Variants in SPANXN2 observed in about 807,000 individuals in gnomAD.
The protein encoded by SPANXN2 is sperm protein associated with the nucleus on the X chromosome N2.
SPANXN2 carries 1 observed loss-of-function variant against 2.0 expected under a neutral mutation model. The ratio of observed to expected loss-of-function variants is 0.50; its 90% CI spans 0.18 to 2.36. The LOEUF (loss-of-function observed/expected upper bound fraction) is 2.36, where lower values mean the gene tolerates loss of function less well. SPANXN2 is among the 30% of genes most tolerant of loss of function. The pLI is 0.26. For missense variants in SPANXN2, 88 were observed against 116.7 expected (o/e 0.75, Z 1.13); for synonymous variants, 43 against 49.8 (o/e 0.86, Z 0.58).
intron 1 of SPANXN2, among the ~76,000 whole-genome samples, chrX:143,716,042 G>A (rs1472953517): frequency 6.3e-5 from 7 of 111,146 alleles, no homozygotes; most frequent in Non-Finnish European, 1.9e-5. Flanking sequence ...TACTCTTAGA[G>A]GGGTTCCGGG....
At chrX:143,720,320 C>A (rs782716131) in intron 1 of SPANXN2, among the ~76,000 whole-genome samples, 39 of 106,301 alleles carry the variant, frequency 3.7e-4, no homozygotes, top group Non-Finnish European at 4.8e-4. Flanking sequence ...CCAAGAAACA[C>A]CACAATGACA....
chrX:143,717,483 TTTCCCAGCATACAC>T (rs1190358256), intron 1 of SPANXN2, among the ~76,000 whole-genome samples: 5 of 111,450 alleles, frequency 4.5e-5, no homozygotes, highest in African/African-American at 1.6e-4. Flanking sequence ...GCTCATTTTT[TTTCCCAGCATACAC>T]CCTGTATATA....
intron 1 of SPANXN2, among the ~76,000 whole-genome samples, chrX:143,714,686 A>G (rs1402037318): frequency 1.8e-5 from 2 of 111,932 alleles, no homozygotes; most frequent in African/African-American, 6.5e-5. Context: ...TAATACCAAT[A>G]AGGGCAAAAA....
rs782423650 is a variant in SPANXN2 at position 143,719,720 on chromosome X, T to TAGC, written c.78+868_78+870dup. Among the ~76,000 whole-genome samples the TAGC allele has an allele frequency of 2.2e-4, 24 of 111,137 alleles. No homozygotes were observed. The East Asian group carries it at 6.6e-3, about 31-fold the overall frequency. The stretch of plus-strand genomic sequence containing the variant: ...AAGCAGACCATCCAGGTTCCTTTAG[T>TAGC]AGCTTCTGTCTCATCTTCCTCCACA... On this transcript the variant is annotated intron_variant, in intron 1 of 1. Coordinates refer to ENST00000598475, the Ensembl canonical transcript of SPANXN2.
chrX:143,717,902 A>G (rs1381336561), intron 1 of SPANXN2, among the ~76,000 whole-genome samples: 2 of 111,403 alleles, frequency 1.8e-5, no homozygotes, highest in African/African-American at 6.5e-5. Context: ...GGATGAATAA[A>G]AGCTTTTCCT....
rs1556448287 is a variant in SPANXN2 at position 143,712,055 on chromosome X, G to A, written c.523C>T (p.Gln175Ter). Residue 175 changes from glutamine to a stop codon, truncating the protein, a stop_gained, in exon 2 of 2, where the codon CAG becomes TAG. Coordinates refer to ENST00000598475, the Ensembl canonical transcript of SPANXN2. LOFTEE classifies it high-confidence loss of function. ...TTTGACTAGTCCTCCCCACCCTCCT[G>A]TGAAGATCCTTCAGATGAGTCTAGG... 2 of 1,212,394 alleles carry A rather than the reference G, an allele frequency of 1.6e-6. No homozygotes were observed. Among genetic ancestry groups the A allele is most frequent in the Non-Finnish European group, 1.1e-6 (1 of 895,646 alleles).
chrX:143,716,441 T>A (rs1430992674), intron 1 of SPANXN2, among the ~76,000 whole-genome samples: 1 of 111,257 alleles, frequency 9.0e-6, no homozygotes, highest in Non-Finnish European at 1.9e-5. Flanking sequence ...CAAGCCACTA[T>A]ACGTAGCCTC....
intron 1 of SPANXN2, among the ~76,000 whole-genome samples, chrX:143,713,672 G>A (rs1423800144): frequency 9.0e-6 from 1 of 110,900 alleles, no homozygotes; most frequent in Non-Finnish European, 1.9e-5. Context: ...CTTCCCTATG[G>A]GGTATTCACT....
exon 2 of SPANXN2, chrX:143,712,185 A>G: frequency 2.1e-6 from 1 of 468,474 alleles, no homozygotes; most frequent in East Asian, 3.7e-5. Context: ...AAGATCCTTC[A>G]GATGAGTCCA....
chrX:143,713,856 A>G (rs1932209443), intron 1 of SPANXN2, among the ~76,000 whole-genome samples: 1 of 107,771 alleles, frequency 9.3e-6, no homozygotes, highest in Non-Finnish European at 1.9e-5. Flanking sequence ...AATGGTAAAT[A>G]ATCTGAAGTG....
At chrX:143,717,409 C>T (rs782616722) in intron 1 of SPANXN2, among the ~76,000 whole-genome samples, 1 of 111,574 alleles carries the variant, frequency 9.0e-6, no homozygotes, top group Non-Finnish European at 1.9e-5. Flanking sequence ...GATGCCAAAA[C>T]CGAGAAAAAC....
At chrX:143,712,447 G>T (rs1238863804) in exon 2 of SPANXN2, 23 of 1,210,627 alleles carry the variant, frequency 1.9e-5, no homozygotes, top group Non-Finnish European at 2.6e-5. Context: ...TATTGTTTTT[G>T]TCTTTTGCAA....
intron 1 of SPANXN2, among the ~76,000 whole-genome samples, chrX:143,719,210 C>A (rs1205990664): frequency 9.0e-6 from 1 of 110,972 alleles, no homozygotes; most frequent in Non-Finnish European, 1.9e-5. Flanking sequence ...AACATGTTAC[C>A]AGTCGGATTC....
chrX:143,719,720 T>C (rs1464915069), intron 1 of SPANXN2, among the ~76,000 whole-genome samples: 1 of 111,083 alleles, frequency 9.0e-6, no homozygotes, highest in African/African-American at 3.3e-5. Flanking sequence ...GTTCCTTTAG[T>C]AGCTTCTGTC....
intron 1 of SPANXN2, among the ~76,000 whole-genome samples, chrX:143,715,133 C>T (rs782658684): frequency 4.5e-5 from 5 of 111,440 alleles, no homozygotes; most frequent in East Asian, 5.7e-4. Context: ...TGGAGTCCAC[C>T]GCCCCTACTG....
intron 1 of SPANXN2, among the ~76,000 whole-genome samples, chrX:143,717,039 T>C (rs1354154385): frequency 1.8e-5 from 2 of 112,122 alleles, no homozygotes; most frequent in Admixed American, 1.9e-4. Flanking sequence ...ACATACACGG[T>C]TAGTTAATGG....
At chrX:143,713,888 C>CCTCTCTCT (rs782021002) in intron 1 of SPANXN2, among the ~76,000 whole-genome samples, 3 of 35,123 alleles carry the variant, frequency 8.5e-5, no homozygotes, top group African/African-American at 3.0e-4. Flanking sequence ...TCCTTTCATG[C>CCTCTCTCT]CTCACTCTCT....
intron 1 of SPANXN2, among the ~76,000 whole-genome samples, chrX:143,713,270 A>G (rs782434892): frequency 1.4e-3 from 160 of 111,320 alleles, no homozygotes; most frequent in Non-Finnish European, 2.7e-3. Flanking sequence ...TCCCAGTCCC[A>G]TTCTCCTTAT....
intron 1 of SPANXN2, among the ~76,000 whole-genome samples, chrX:143,715,021 A>G (rs1234682549): frequency 1.8e-5 from 2 of 111,238 alleles, no homozygotes; most frequent in Non-Finnish European, 3.8e-5. Flanking sequence ...CACTCTGGAA[A>G]TCTTGCCCCA....
Sources: gnomAD v4.1 joint callset for allele counts (sites outside exome capture counted in the v4.1 genomes callset) on GRCh38, gnomAD v4.1.1 for gene constraint, MANE v1.5 for transcripts, NCBI Gene and HGNC (gene_info 2026-07-23, HGNC 2026-07-21) for gene names.